The following FGF14 variants were observed in gnomAD, a reference collection of about 807,000 sequenced individuals.
FGF14 encodes fibroblast growth factor 14, also known as fibroblast growth factor homologous factor 4.
In FGF14, 5 loss-of-function variants were observed where a neutral mutation model predicts 25.5. The ratio of observed to expected loss-of-function variants is 0.20; its 90% CI spans 0.10 to 0.41. FGF14 has a LOEUF of 0.41. Ranked by LOEUF, FGF14 falls within the 10% of genes least tolerant of loss-of-function variation. FGF14 has a pLI of 1.00. For synonymous variants in FGF14, 138 were observed against 118.3 expected, an observed-to-expected ratio of 1.17 and a Z score of -1.08; for missense variants, 222 against 320.1, an observed-to-expected ratio of 0.69 and a Z score of 2.34.
At chr13:102,239,097 A>C (rs140658627) in intron 1 of FGF14, among the ~76,000 whole-genome samples, 94 of 152,210 alleles carry the variant, frequency 6.2e-4, no homozygotes, top group African/African-American at 2.1e-3. Flanking sequence ...CAAAAAACAA[A>C]AAACAAAAAA....
At chr13:102,187,250 A>T (rs1452717813) in intron 1 of FGF14, among the ~76,000 whole-genome samples, 4 of 152,192 alleles carry the variant, frequency 2.6e-5, no homozygotes, top group Non-Finnish European at 4.4e-5. Context: ...ACATGCATAG[A>T]TTACTTTTTT....
At chr13:102,076,885 C>T (rs528794991) in intron 1 of FGF14, among the ~76,000 whole-genome samples, 46 of 152,048 alleles carry the variant, frequency 3.0e-4, no homozygotes, top group South Asian at 2.3e-3. Flanking sequence ...TACCACAGAG[C>T]TATAGTGATT....
chr13:101,969,399 T>C (rs541429629), intron 1 of FGF14, among the ~76,000 whole-genome samples: 5 of 151,996 alleles, frequency 3.3e-5, no homozygotes, highest in African/African-American at 1.2e-4. Context: ...CCGTCTCTAC[T>C]AAAAATAACA....
intron 1 of FGF14, among the ~76,000 whole-genome samples, chr13:102,146,998 A>T (rs1450646969): frequency 6.6e-6 from 1 of 152,214 alleles, no homozygotes; most frequent in Non-Finnish European, 1.5e-5. Flanking sequence ...ACATCAAAAG[A>T]GTTATCAGTG....
intron 1 of FGF14, among the ~76,000 whole-genome samples, chr13:102,083,716 T>C (rs957013964): frequency 9.9e-5 from 15 of 152,254 alleles, no homozygotes; most frequent in Middle Eastern, 3.2e-3. Flanking sequence ...CTCCCTAGAA[T>C]GTATAAAACT....
intron 1 of FGF14, among the ~76,000 whole-genome samples, chr13:101,968,684 A>AAAAAAAC (rs1181245562): frequency 2.6e-5 from 4 of 151,752 alleles, no homozygotes; most frequent in Admixed American, 2.0e-4. Context: ...AAAAAAAAAA[A>AAAAAAAC]AAAAAACCTC....
intron 1 of FGF14, among the ~76,000 whole-genome samples, chr13:102,323,973 G>A (rs1264186408): frequency 6.7e-6 from 1 of 149,582 alleles, no homozygotes; most frequent in African/African-American, 2.5e-5. Context: ...GTGTGTGTGT[G>A]TGTGTGTGTG....
At chr13:102,366,757 G>A (rs1224749021) in intron 1 of FGF14, 1 of 151,446 alleles carries the variant, frequency 6.6e-6, no homozygotes. Flanking sequence ...ATAATCTCAA[G>A]CAGGTAATAT....
intron 1 of FGF14, among the ~76,000 whole-genome samples, chr13:101,878,701 C>T (rs1417385830): frequency 6.6e-6 from 1 of 151,688 alleles, no homozygotes; most frequent in African/African-American, 2.4e-5. Flanking sequence ...ATGAAATTAG[C>T]CAAAAGAGTT....
In FGF14 at chr13:101,916,895, G is replaced by A. The variant is rs562120437; in HGVS notation, c.-250C>T. ...GGACGATCCCGGGAAGCCGGACGTC[G>A]TGGCCGCCGCCGCTTGGCCACGTCC... On this transcript the variant is annotated 5_prime_UTR_variant, in exon 1 of 5. The change creates a new upstream start codon in the 5' untranslated region. Transcript: ENST00000376143. Among the ~76,000 whole-genome samples, 1 of 152,042 alleles carries A rather than the reference G, an allele frequency of 6.6e-6. No individual in the cohort carries two copies. Among genetic ancestry groups the A allele is most frequent in the African/African-American group, 2.4e-5 (1 of 41,438 alleles).
intron 1 of FGF14, among the ~76,000 whole-genome samples, chr13:102,014,249 AC>A (rs2040224119): frequency 6.6e-6 from 1 of 152,072 alleles, no homozygotes; most frequent in South Asian, 2.1e-4. Context: ...AAAAAAAAAG[AC>A]TTCTAAACAT....
chr13:102,134,347 A>G (rs553825232), intron 1 of FGF14, among the ~76,000 whole-genome samples: 25 of 152,292 alleles, frequency 1.6e-4, no homozygotes, highest in East Asian at 1.2e-3. Flanking sequence ...CTTGTCCCCA[A>G]TATGCTCAAG....
At chr13:102,158,077 T>A (rs910037857) in intron 1 of FGF14, among the ~76,000 whole-genome samples, 1 of 152,214 alleles carries the variant, frequency 6.6e-6, no homozygotes, top group Non-Finnish European at 1.5e-5. Context: ...TTGGTGGGAC[T>A]GTAAACTAGT....
chr13:102,176,780 T>A (rs1442783313), intron 1 of FGF14, among the ~76,000 whole-genome samples: 2 of 152,094 alleles, frequency 1.3e-5, no homozygotes, highest in Non-Finnish European at 2.9e-5. Context: ...GAGGGACATG[T>A]CTATTACCTT....
At chr13:101,995,259 G>A (rs1031607726) in intron 1 of FGF14, among the ~76,000 whole-genome samples, 45 of 152,144 alleles carry the variant, frequency 3.0e-4, no homozygotes, top group African/African-American at 1.1e-3. Flanking sequence ...TTTTATGTGT[G>A]TGCCACTCAA....
Position 101,722,662 on chromosome 13 carries a change from G to A in FGF14, c.*169C>T, listed in dbSNP as rs183535078. The A allele has an allele frequency of 1.2e-5, 10 of 835,352 alleles. No homozygotes were observed. Among genetic ancestry groups the A allele is most frequent in the Non-Finnish European group, 1.9e-6 (1 of 522,534 alleles). The allele number at this position is 835,352 out of a possible 1,614,324, so 51.7% of individuals were successfully genotyped here. A position where few individuals can be genotyped will look rare whatever the true frequency, so the allele number is the denominator to read the frequency against. ...CAGGTGTCTTCTTGTTGTGGGGGGT[G>A]CAACAGGTTGAGATTTATCCACTTG... is the stretch of plus-strand genomic sequence containing the variant. On this transcript the variant is annotated 3_prime_UTR_variant, in exon 5 of 5. Transcript: ENST00000376143.
chr13:102,276,359 ATAT>A (rs2053550032), intron 1 of FGF14, among the ~76,000 whole-genome samples: 4 of 114,300 alleles, frequency 3.5e-5, no homozygotes, highest in Admixed American at 3.4e-4. Flanking sequence ...GTGTGTATAT[ATAT>A]ATATATATAT....
chr13:101,775,748 G>A lies in FGF14; in HGVS notation c.409-48938C>T, dbSNP rs114546714. ...GGTAATGTGAAATGAAATTGGAAGG[G>A]TGAGGAGGCTGTGTTCCCCCTGATG... On this transcript the variant is annotated intron_variant, in intron 3 of 4. Transcript: ENST00000376143. Among the ~76,000 whole-genome samples, 310 of 152,206 alleles carry A rather than the reference G, an allele frequency of 2.0e-3. 2 individuals are homozygous for A. Among genetic ancestry groups the A allele is most frequent in the African/African-American group, 7.1e-3 (296 of 41,548 alleles).
Position 102,021,029 on chromosome 13 carries a change from G to A in FGF14, c.209-145733C>T, listed in dbSNP as rs1374803276. ...ACAAGGTATTTGATTAGTGGTTTTG[G>A]AAGTGCATAGTTTTGATGACAAGCT... On this transcript the variant is annotated intron_variant, in intron 1 of 4. Transcript: ENST00000376131. 2.0e-5 allele frequency among the ~76,000 whole-genome samples: 3 copies of A among 151,992 alleles called. No individual in the cohort carries two copies. In the South Asian group the frequency reaches 6.2e-4, roughly 32 times the overall value.
Sources: allele counts gnomAD v4.1 joint callset (sites outside exome capture counted in the v4.1 genomes callset), GRCh38; gene constraint gnomAD v4.1.1; transcripts MANE v1.5; gene names NCBI Gene and HGNC (gene_info 2026-07-23, HGNC 2026-07-21).